Variants in ATP6V0A2 observed in about 807,000 individuals in gnomAD.
The protein encoded by ATP6V0A2 is ATPase H+ transporting V0 subunit a2.
In ATP6V0A2, 58 loss-of-function variants were observed where a neutral mutation model predicts 104.4. That is an observed-to-expected ratio of 0.56 (90% CI 0.45 to 0.69). ATP6V0A2 has a LOEUF of 0.69. Ranked by LOEUF, ATP6V0A2 falls within the 30% of genes least tolerant of loss-of-function variation. ATP6V0A2 has a pLI of 0.00. For synonymous variants in ATP6V0A2, 376 were observed against 397.9 expected (o/e 0.95, Z 0.65); for missense variants, 938 against 1,062.9 (o/e 0.88, Z 1.63).
In ATP6V0A2 at chr12:123,736,274, C is replaced by T. The variant is rs1956552762; in HGVS notation, c.825+650C>T. The stretch of plus-strand genomic sequence containing the variant: ...TGCGATCATCTCAGCTCACTGCAAT[C>T]TCTGCTTCCCAGGTTCAAGCAATTC... On this transcript the variant is annotated intron_variant, in intron 8 of 19. Coordinates refer to ENST00000330342, the MANE Select transcript of ATP6V0A2 (RefSeq NM_012463.4). 2.8e-5 allele frequency among the ~76,000 whole-genome samples: 4 copies of T among 144,448 alleles called. 1 individual carries two copies. The South Asian group carries it at 8.9e-4, about 32-fold the overall frequency. The allele number at this position is 144,448 out of a possible 152,430, so 94.8% of individuals were successfully genotyped here.
intron 6 of ATP6V0A2, 77 bp from the exon 7 acceptor site, chr12:123,733,849 T>C: frequency 1.0e-6 from 1 of 983,640 alleles, no homozygotes; most frequent in South Asian, 1.3e-5. Context: ...ATGAACGCTT[T>C]GACAGTGTTT....
intron 2 of ATP6V0A2, among the ~76,000 whole-genome samples, chr12:123,719,530 G>C (rs1455206069): frequency 6.6e-6 from 1 of 152,054 alleles, no homozygotes; most frequent in Non-Finnish European, 1.5e-5. Flanking sequence ...GGGACTATAG[G>C]TGCGTGCCAC....
intron 15 of ATP6V0A2, chr12:123,750,303 G>A (rs377261174): frequency 1.2e-4 from 18 of 152,298 alleles, no homozygotes; most frequent in African/African-American, 4.1e-4. Context: ...GTCACTCAGC[G>A]GTCTGTAGGG....
At chr12:123,752,580 G>A (rs943831614) in intron 17 of ATP6V0A2, among the ~76,000 whole-genome samples, 178 bp downstream of exon 17, 4 of 152,202 alleles carry the variant, frequency 2.6e-5, no homozygotes, top group African/African-American at 9.7e-5. Flanking sequence ...AGAGTTGGTG[G>A]CATTATATGA....
At chr12:123,740,002 A>G (rs1399414383) in intron 9 of ATP6V0A2, among the ~76,000 whole-genome samples, 2 of 152,128 alleles carry the variant, frequency 1.3e-5, no homozygotes, top group Non-Finnish European at 2.9e-5. Flanking sequence ...GCATCTCTAC[A>G]AAAAACTCAA....
intron 4 of ATP6V0A2, 84 bp downstream of exon 4, chr12:123,724,875 G>T (rs1335623342): frequency 8.6e-6 from 10 of 1,158,586 alleles, no homozygotes; most frequent in Non-Finnish European, 1.3e-5. Flanking sequence ...TGTGTATTTT[G>T]CTATTAGTTC....
chr12:123,757,695 G>A (rs140459814), intron 19 of ATP6V0A2, among the ~76,000 whole-genome samples: 3 of 152,308 alleles, frequency 2.0e-5, no homozygotes, highest in African/African-American at 7.2e-5. Flanking sequence ...GCTTTTGTGT[G>A]TTGGGCAGTG....
chr12:123,727,778 C>T lies in ATP6V0A2; in HGVS notation c.522-5C>T. The T allele has an allele frequency of 6.2e-7, 1 of 1,614,074 alleles. No homozygotes were observed. Among genetic ancestry groups the T allele is most frequent in the Non-Finnish European group, 8.5e-7 (1 of 1,180,028 alleles). ...TGACTACAGGTTGACTTTACTGTCT[C>T]ACAGATTTGTGTCTGGCCTAATTAA... On this transcript the variant is annotated splice_polypyrimidine_tract_variant and splice_region_variant and intron_variant, in intron 5 of 19. Transcript: ENST00000330342.
chr12:123,745,188 A>G (rs1161969131), intron 13 of ATP6V0A2, among the ~76,000 whole-genome samples: 3 of 152,198 alleles, frequency 2.0e-5, no homozygotes, highest in Non-Finnish European at 4.4e-5. Flanking sequence ...GGAAGTCCTC[A>G]GAGAGCCAGG....
At chr12:123,749,050 G>A (rs945046890) in intron 15 of ATP6V0A2, among the ~76,000 whole-genome samples, 2 of 152,194 alleles carry the variant, frequency 1.3e-5, no homozygotes, top group Non-Finnish European at 2.9e-5. Context: ...AGCACTTTGA[G>A]AGACCAAGGC....
intron 1 of ATP6V0A2, among the ~76,000 whole-genome samples, chr12:123,715,303 A>G (rs1270427946): frequency 6.6e-6 from 1 of 152,220 alleles, no homozygotes; most frequent in East Asian, 1.9e-4. Flanking sequence ...TTCCTTTCCA[A>G]CAAGTTCCAT....
At chr12:123,741,837 T>C (rs1956612399) in intron 9 of ATP6V0A2, among the ~76,000 whole-genome samples, 1 of 152,170 alleles carries the variant, frequency 6.6e-6, no homozygotes, top group East Asian at 1.9e-4. Context: ...TTCTGGCAGA[T>C]GTTTATGGTA....
chr12:123,742,563 G>A (rs1956619780), intron 9 of ATP6V0A2, among the ~76,000 whole-genome samples: 1 of 152,160 alleles, frequency 6.6e-6, no homozygotes, highest in East Asian at 1.9e-4. Context: ...TTGGCCGGGT[G>A]CAGTGGCTCA....
At chr12:123,746,213 G>A (rs528808636) in intron 13 of ATP6V0A2, among the ~76,000 whole-genome samples, 2 of 151,896 alleles carry the variant, frequency 1.3e-5, no homozygotes, top group East Asian at 3.9e-4. Flanking sequence ...GGAGGCATAG[G>A]GGAAAATTGG....
At position 123,718,634 on chromosome 12, in the gene ATP6V0A2, CG is replaced by C. The variant is rs761799156; in HGVS notation, c.130del (p.Val44Ter). The C allele has an allele frequency of 7.4e-6, 12 of 1,611,204 alleles. No homozygotes were observed. The highest frequency in any genetic ancestry group is 1.0e-5 in the Non-Finnish European group (12 of 1,178,194). ...CATCCTTTTCTCAGCTCAACCAGAACGTAAGTTCTTTCCAAAGAAAATTTGT... is the reference window on the plus strand; with the variant it reads ...CATCCTTTTCTCAGCTCAACCAGAACTAAGTTCTTTCCAAAGAAAATTTGT... ...LVQFRDLNQN[V>X]SSFQRKFVGE... is the part of the protein sequence containing the mutation. On this transcript the variant is annotated frameshift_variant, in exon 2 of 20. Coordinates refer to ENST00000330342, the MANE Select transcript of ATP6V0A2 (RefSeq NM_012463.4). LOFTEE classifies it high-confidence loss of function.
chr12:123,744,047 C>G lies in ATP6V0A2; in HGVS notation c.1189+112C>G, dbSNP rs555457146. ...AGGCTGACCATTACTTTTTTGCTAT[C>G]TTATTTAAAAGTATAAGGTTTTAAA... On this transcript the variant is annotated intron_variant, in intron 10 of 19. Coordinates refer to ENST00000330342, the MANE Select transcript of ATP6V0A2 (RefSeq NM_012463.4). This position sits in a 1 kb window ranked among gnomAD's most constrained non-coding sequence, Gnocchi z 5.4. 9 of 1,551,688 alleles carry G rather than the reference C, an allele frequency of 5.8e-6. No homozygotes were observed. The South Asian group carries it at 9.0e-5, about 15-fold the overall frequency.
intron 3 of ATP6V0A2, among the ~76,000 whole-genome samples, chr12:123,722,866 T>C (rs910676920): frequency 1.3e-5 from 2 of 151,950 alleles, no homozygotes; most frequent in Non-Finnish European, 1.5e-5. Context: ...CCTCCCACAT[T>C]TACCCTGGCC....
chr12:123,725,852 C>T (rs769607140), intron 4 of ATP6V0A2, among the ~76,000 whole-genome samples: 2 of 151,690 alleles, frequency 1.3e-5, no homozygotes, highest in Non-Finnish European at 2.9e-5. Flanking sequence ...GTAGTAGCAC[C>T]TTATGGAGCT....
intron 9 of ATP6V0A2, among the ~76,000 whole-genome samples, chr12:123,743,148 C>A (rs1956625229): frequency 1.3e-5 from 2 of 152,090 alleles, no homozygotes; most frequent in Non-Finnish European, 2.9e-5. Flanking sequence ...GACTCCATAC[C>A]CACGTGCCCC....
Sources: gnomAD v4.1 joint callset for allele counts (sites outside exome capture counted in the v4.1 genomes callset) on GRCh38, gnomAD v4.1.1 for gene constraint, Gnocchi (gnomAD v3.1) non-coding constraint, MANE v1.5 for transcripts, NCBI Gene and HGNC (gene_info 2026-07-23, HGNC 2026-07-21) for gene names.